CACNA1I: variants seen among roughly 807,000 people sequenced by gnomAD.
The protein encoded by CACNA1I is calcium voltage-gated channel subunit alpha1 I, also known as voltage-dependent T-type calcium channel subunit alpha-1I.
CACNA1I carries 74 observed loss-of-function variants against 201.6 expected under a neutral mutation model. That is an observed-to-expected ratio of 0.37 (90% CI 0.30 to 0.45). The LOEUF (loss-of-function observed/expected upper bound fraction) is 0.45. Among genes scored for constraint, CACNA1I ranks in the 20% least tolerant of loss-of-function variants. The pLI is 1.00. For synonymous variants in CACNA1I, 1,431 were observed against 1,345.2 expected, an observed-to-expected ratio of 1.06 and a Z score of -1.40; for missense variants, 2,346 against 3,138.1, an observed-to-expected ratio of 0.75 and a Z score of 6.03.
intron 23 of CACNA1I, among the ~76,000 whole-genome samples, chr22:39,668,002 T>A (rs191031240): frequency 1.3e-5 from 2 of 152,292 alleles, no homozygotes. Flanking sequence ...TTCATGAATT[T>A]TTTTTTGCCC....
At chr22:39,622,807 G>T (rs1877034619) in intron 4 of CACNA1I, among the ~76,000 whole-genome samples, 1 of 152,052 alleles carries the variant, frequency 6.6e-6, no homozygotes, top group Non-Finnish European at 1.5e-5. Flanking sequence ...CAGCTCTCAG[G>T]GGCCAGCACA....
rs527628989 is a variant in CACNA1I, at chr22:39,635,833, C to T, written c.740+1109C>T. Among the ~76,000 whole-genome samples the T allele has an allele frequency of 2.0e-5, 3 of 152,256 alleles. No individual in the cohort carries two copies. The East Asian group carries it at 5.8e-4, about 29-fold the overall frequency. On this transcript the variant is annotated intron_variant, in intron 5 of 36. Transcript: ENST00000402142. ...GGCCAGCCCCTTCTTATTATGTGGG[C>T]TCAGCCCACCTGACACCTCCTCCTA...
At chr22:39,668,558 C>T (rs571893744) in intron 24 of CACNA1I, among the ~76,000 whole-genome samples, 177 bp downstream of exon 24, 3 of 152,188 alleles carry the variant, frequency 2.0e-5, no homozygotes, top group Non-Finnish European at 4.4e-5. Context: ...TACAGTCCCT[C>T]CTCGGGTAGC....
In CACNA1I at chr22:39,665,716, C is replaced by G; in HGVS notation, c.3978+92C>G. The G allele has an allele frequency of 6.4e-7, 1 of 1,556,338 alleles. No individual in the cohort carries two copies. Among genetic ancestry groups the G allele is most frequent in the Non-Finnish European group, 8.8e-7 (1 of 1,140,422 alleles). ...CAGGGGAGAGACTCCACATTCCAAC[C>G]TCATGCGCCTTGCCAGCTGTGGGCT... is the stretch of plus-strand genomic sequence containing the variant. On this transcript the variant is annotated intron_variant, in intron 22 of 36. Transcript: ENST00000402142. This position sits in a 1 kb window ranked among gnomAD's most constrained non-coding sequence, Gnocchi z 5.5.
chr22:39,662,998 C>T, intron 18 of CACNA1I, 122 bp downstream of exon 18: 1 of 685,790 alleles, frequency 1.5e-6, no homozygotes, highest in Non-Finnish European at 2.6e-6. Context: ...CCCTCCCGGC[C>T]CAGAGGTGGG....
At chr22:39,683,302 G>A (rs1400470577) in intron 35 of CACNA1I, among the ~76,000 whole-genome samples, 3 of 152,166 alleles carry the variant, frequency 2.0e-5, no homozygotes, top group Admixed American at 2.0e-4. Flanking sequence ...GCAGAGAGAT[G>A]AGGAGCCCAG....
chr22:39,615,123 C>T (rs1933494318), intron 3 of CACNA1I, among the ~76,000 whole-genome samples: 2 of 152,208 alleles, frequency 1.3e-5, no homozygotes. Context: ...GAAGTCCCAG[C>T]TGTCTTGGCT....
chr22:39,636,909 G>T (rs542987194), intron 5 of CACNA1I, among the ~76,000 whole-genome samples: 1 of 152,212 alleles, frequency 6.6e-6, no homozygotes. Context: ...GGCGTAACAC[G>T]CACAGGTGGG....
intron 1 of CACNA1I, chr22:39,587,725 T>A (rs1458989764): frequency 2.2e-6 from 1 of 451,738 alleles, no homozygotes; most frequent in Non-Finnish European, 4.5e-6. Context: ...GGTTTGGCAA[T>A]AGCAGGTGCC....
intron 1 of CACNA1I, among the ~76,000 whole-genome samples, chr22:39,582,152 C>A (rs921333296): frequency 2.3e-4 from 35 of 152,144 alleles, no homozygotes; most frequent in Admixed American, 5.2e-4. Context: ...ACACACATGT[C>A]ACAGTGAAAG....
At chr22:39,651,055 A>C (rs1223124381) in intron 10 of CACNA1I, among the ~76,000 whole-genome samples, 1 of 152,076 alleles carries the variant, frequency 6.6e-6, no homozygotes, top group Non-Finnish European at 1.5e-5. Flanking sequence ...CCTGCCATCC[A>C]CCAGCCCCTG....
intron 32 of CACNA1I, 87 bp downstream of exon 32, chr22:39,679,532 C>T (rs1935627933): frequency 9.0e-7 from 1 of 1,111,246 alleles, no homozygotes; most frequent in African/African-American, 1.6e-5. Flanking sequence ...AGGCCTTGCA[C>T]AGAGACCTCT....
At chr22:39,671,288 C>G (rs117016960) in intron 26 of CACNA1I, among the ~76,000 whole-genome samples, 132 of 152,284 alleles carry the variant, frequency 8.7e-4, no homozygotes, top group Non-Finnish European at 1.1e-3. Context: ...CTTTAATCCT[C>G]GCAGCAATCC....
In CACNA1I at chr22:39,576,065, G is replaced by A. The variant is rs114876190; in HGVS notation, c.236+5077G>A. 2.6e-3 allele frequency among the ~76,000 whole-genome samples: 393 copies of A among 152,316 alleles called. 5 individuals are homozygous for A. The East Asian group carries it at 0.031, about 12-fold the overall frequency. On this transcript the variant is annotated intron_variant, in intron 1 of 36. Coordinates refer to ENST00000402142, the MANE Select transcript of CACNA1I (RefSeq NM_021096.4). ...GCTGGGATTACAGGGGTGAGCCAAT[G>A]TGCCTGGCCTTCAGAGCCTTTCTTA...
chr22:39,612,517 G>A (rs920872747), intron 3 of CACNA1I, among the ~76,000 whole-genome samples: 7 of 152,112 alleles, frequency 4.6e-5, no homozygotes, highest in Admixed American at 1.3e-4. Context: ...AATGTCTGGT[G>A]GGGGCCACTT....
chr22:39,662,561 G>A, intron 17 of CACNA1I, 126 bp downstream of exon 17: 1 of 774,534 alleles, frequency 1.3e-6, no homozygotes, highest in Non-Finnish European at 2.0e-6. Context: ...GGCCGGAGCG[G>A]CTAGGGCTTC....
intron 1 of CACNA1I, among the ~76,000 whole-genome samples, chr22:39,591,949 G>A (rs1453473910): frequency 2.6e-5 from 4 of 152,206 alleles, no homozygotes; most frequent in East Asian, 1.9e-4. Flanking sequence ...TATTACCACC[G>A]GCAGGCTGGC....
intron 29 of CACNA1I, among the ~76,000 whole-genome samples, chr22:39,675,153 C>T (rs143421270): frequency 1.5e-4 from 23 of 152,320 alleles, no homozygotes; most frequent in African/African-American, 4.3e-4. Flanking sequence ...CCTGGGCATG[C>T]GACTTAGCTT....
At position 39,676,390 on chromosome 22, in the gene CACNA1I, G is replaced by A. The variant is rs893903221; in HGVS notation, c.4855-951G>A. ...GCTCTGGAGTGGAGCGGAGAAACTC[G>A]AGGAGTGGTGATTAATGGGGTTTAC... On this transcript the variant is annotated intron_variant, in intron 29 of 36. Coordinates refer to ENST00000402142, the MANE Select transcript of CACNA1I (RefSeq NM_021096.4). This position sits in a 1 kb window ranked among gnomAD's most constrained non-coding sequence, Gnocchi z 4.8. 1.3e-5 allele frequency among the ~76,000 whole-genome samples: 2 copies of A among 152,222 alleles called. No individual in the cohort carries two copies. Among genetic ancestry groups the A allele is most frequent in the African/African-American group, 4.8e-5 (2 of 41,454 alleles).
Sources: gnomAD v4.1 joint callset for allele counts (sites outside exome capture counted in the v4.1 genomes callset) on GRCh38, gnomAD v4.1.1 for gene constraint, Gnocchi (gnomAD v3.1) non-coding constraint, MANE v1.5 for transcripts, NCBI Gene and HGNC (gene_info 2026-07-23, HGNC 2026-07-21) for gene names.